The following SYNE3 variants were observed in gnomAD, a reference collection of about 807,000 sequenced individuals.
The protein encoded by SYNE3 is spectrin repeat containing nuclear envelope family member 3, also known as nesprin-3.
A neutral mutation model predicts 111.2 loss-of-function variants in SYNE3; 100 were observed. The observed-to-expected ratio is 0.90, with a 90% CI of 0.77 to 1.06. The LOEUF is 1.06. Among genes scored for constraint, SYNE3 ranks in the 50% least tolerant of loss-of-function variants. The pLI is 0.00. For missense variants in SYNE3, 1,160 were observed against 1,240.3 expected, an observed-to-expected ratio of 0.94 and a Z score of 0.97; for synonymous variants, 547 against 533.9, an observed-to-expected ratio of 1.02 and a Z score of -0.34.
intron 1 of SYNE3, among the ~76,000 whole-genome samples, chr14:95,491,583 A>G (rs1475781733): frequency 6.6e-6 from 1 of 152,094 alleles, no homozygotes; most frequent in African/African-American, 2.4e-5. Flanking sequence ...CTCCAAATAG[A>G]TCAAAGACCT....
chr14:95,424,138 A>G (rs1046344435), intron 17 of SYNE3, among the ~76,000 whole-genome samples: 13 of 152,178 alleles, frequency 8.5e-5, no homozygotes, highest in Non-Finnish European at 1.3e-4. Flanking sequence ...CGCAGTCTGA[A>G]GACAGTGCAT....
At chr14:95,432,255 A>C (rs1885816804) in intron 16 of SYNE3, 138 bp from the exon 17 acceptor site, 1 of 949,116 alleles carries the variant, frequency 1.1e-6, no homozygotes, top group African/African-American at 1.6e-5. Flanking sequence ...TCATCTGGAC[A>C]GCCTGAGCCA....
intron 15 of SYNE3, among the ~76,000 whole-genome samples, chr14:95,433,676 G>T (rs1566959711): frequency 6.6e-6 from 1 of 152,232 alleles, no homozygotes; most frequent in East Asian, 1.9e-4. Flanking sequence ...GACATTCCAG[G>T]ACCAAGTCCT....
intron 4 of SYNE3, 119 bp from the exon 5 acceptor site, chr14:95,457,457 G>T: frequency 8.6e-7 from 1 of 1,157,130 alleles, no homozygotes; most frequent in Non-Finnish European, 1.2e-6. Context: ...AGCAGGGGGT[G>T]CAACCAACCT....
chr14:95,505,167 G>A (rs2139606112), intron 1 of SYNE3, among the ~76,000 whole-genome samples: 1 of 152,374 alleles, frequency 6.6e-6, no homozygotes, highest in East Asian at 1.9e-4. Flanking sequence ...GTGGGCACCG[G>A]GGTCCTAACG....
intron 11 of SYNE3, among the ~76,000 whole-genome samples, chr14:95,440,684 A>C (rs1294628086): frequency 2.6e-5 from 4 of 152,370 alleles, no homozygotes; most frequent in African/African-American, 9.6e-5. Context: ...AAAAGAAAAC[A>C]TTCTGTCCAA....
intron 1 of SYNE3, among the ~76,000 whole-genome samples, chr14:95,511,737 T>TAAA (rs1890728948): frequency 2.0e-5 from 3 of 151,628 alleles, no homozygotes; most frequent in African/African-American, 7.3e-5. Flanking sequence ...AATAAATAAA[T>TAAA]TAAATAAAAT....
In SYNE3 at chr14:95,408,034, G is replaced by A. The variant is rs1351404384; in HGVS notation, c.*9792C>T. On this transcript the variant is annotated 3_prime_UTR_variant, in exon 18 of 18. Transcript: ENST00000682763. Reference sequence around the variant, plus strand: ...GTGTGATCATCAGCGTCATCTGGGAGCAGCTTCAAAAACATTCTCAGCATC... The same window carrying A: ...GTGTGATCATCAGCGTCATCTGGGAACAGCTTCAAAAACATTCTCAGCATC... The A allele has an allele frequency of 1.3e-5, 2 of 152,170 alleles. No individual in the cohort carries two copies. The highest frequency in any genetic ancestry group is 2.9e-5 in the Non-Finnish European group (2 of 68,040). 9.4% of individuals were successfully genotyped at this position (152,170 alleles called of 1,614,324 possible).
chr14:95,445,977 C>T lies in SYNE3; in HGVS notation c.1564G>A (p.Val522Met). Residue 522 changes from valine (V) to methionine (M), a missense_variant, in exon 9 of 18, where the codon GTG becomes ATG. Val to Met is a conservative substitution (Grantham distance 21, BLOSUM62 1). Transcript: ENST00000682763. ...QERATALLEQ[V>M]AGSMRDRDLL... ...TCTCTGTCCCTCATGGAACCTGCCA[C>T]CTGCTCCAGGAGTGCCGTGGCTCTC... The T allele has an allele frequency of 5.0e-6, 8 of 1,614,186 alleles. No individual in the cohort carries two copies. Among genetic ancestry groups the T allele is most frequent in the Non-Finnish European group, 6.8e-6 (8 of 1,180,044 alleles).
chr14:95,512,392 A>T (rs1055685095), intron 1 of SYNE3, among the ~76,000 whole-genome samples: 1 of 152,178 alleles, frequency 6.6e-6, no homozygotes, highest in Non-Finnish European at 1.5e-5. Context: ...AAAAATATTT[A>T]AAAATAACGC....
intron 15 of SYNE3, among the ~76,000 whole-genome samples, chr14:95,434,588 C>G (rs983313001): frequency 6.6e-6 from 1 of 152,150 alleles, no homozygotes; most frequent in Non-Finnish European, 1.5e-5. Context: ...TTAGTGGTCC[C>G]AGAATGAAAG....
rs1311375976 is a variant in SYNE3 at position 95,430,049 on chromosome 14, C to T, written c.2727+2030G>A. 9 of 678,118 alleles carry T rather than the reference C, an allele frequency of 1.3e-5. No homozygotes were observed. In the East Asian group the frequency reaches 1.1e-3, roughly 82 times the overall value. 42.0% of individuals were successfully genotyped at this position (678,118 alleles called of 1,614,324 possible). Reference sequence around the variant, plus strand: ...GTAGAGACAGCAATGAACGCTATGGCTGTGAACATACCACAGTAACACATT... The same window carrying T: ...GTAGAGACAGCAATGAACGCTATGGTTGTGAACATACCACAGTAACACATT... On this transcript the variant is annotated intron_variant, in intron 17 of 17. Transcript: ENST00000682763.
At chr14:95,484,581 A>G (rs1889442558) in intron 1 of SYNE3, among the ~76,000 whole-genome samples, 1 of 152,248 alleles carries the variant, frequency 6.6e-6, no homozygotes, top group Non-Finnish European at 1.5e-5. Context: ...ATTGAGTGCC[A>G]TGGGCCACTG....
At chr14:95,484,430 C>T (rs1203351631) in intron 1 of SYNE3, among the ~76,000 whole-genome samples, 1 of 152,166 alleles carries the variant, frequency 6.6e-6, no homozygotes, top group Non-Finnish European at 1.5e-5. Context: ...CTGAGGGGAA[C>T]CCTGGCCACG....
chr14:95,445,523 C>T (rs1298587326), intron 9 of SYNE3, among the ~76,000 whole-genome samples: 24 of 152,208 alleles, frequency 1.6e-4, no homozygotes, highest in Non-Finnish European at 1.5e-5. Context: ...GTAGTGTAGT[C>T]ATTTTGAAAT....
At chr14:95,456,585 C>T (rs1887453616) in intron 5 of SYNE3, among the ~76,000 whole-genome samples, 1 of 152,204 alleles carries the variant, frequency 6.6e-6, no homozygotes, top group African/African-American at 2.4e-5. Flanking sequence ...TCTCTAGACA[C>T]TGCCAAATGC....
chr14:95,427,220 T>C (rs1885483152), intron 17 of SYNE3, among the ~76,000 whole-genome samples: 1 of 152,100 alleles, frequency 6.6e-6, no homozygotes, highest in Non-Finnish European at 1.5e-5. Flanking sequence ...CGCCAGTGTC[T>C]GGGAAGACGC....
At chr14:95,474,692 G>A (rs1173789190) in intron 2 of SYNE3, among the ~76,000 whole-genome samples, 2 of 152,148 alleles carry the variant, frequency 1.3e-5, no homozygotes, top group Non-Finnish European at 2.9e-5. Context: ...TAATTCCCAC[G>A]GTCCACTTCC....
In SYNE3 at chr14:95,409,992, G is replaced by T. The variant is rs1256452468; in HGVS notation, c.*7834C>A. 1.3e-5 allele frequency: 2 copies of T among 155,478 alleles called. No individual in the cohort carries two copies. Among genetic ancestry groups the T allele is most frequent in the Non-Finnish European group, 2.9e-5 (2 of 70,152 alleles). 9.6% of individuals were successfully genotyped at this position (155,478 alleles called of 1,614,324 possible). Reference sequence around the variant, plus strand: ...GAAGAAATGAAAGCAAATATGCATTGCCTGGGCTGAATCCAAACACAAAGA... The same window carrying T: ...GAAGAAATGAAAGCAAATATGCATTTCCTGGGCTGAATCCAAACACAAAGA... On this transcript the variant is annotated 3_prime_UTR_variant, in exon 18 of 18. Coordinates refer to ENST00000682763, the MANE Select transcript of SYNE3 (RefSeq NM_152592.6).
Sources: allele counts gnomAD v4.1 joint callset (sites outside exome capture counted in the v4.1 genomes callset), GRCh38; gene constraint gnomAD v4.1.1; transcripts MANE v1.5; gene names NCBI Gene and HGNC (gene_info 2026-07-23, HGNC 2026-07-21).